PHF20: variants seen among roughly 807,000 people sequenced by gnomAD.
PHF20 encodes glioma-expressed antigen 2.
Under a neutral mutation model 113.5 loss-of-function variants are expected in PHF20, and 23 were observed. The ratio of observed to expected loss-of-function variants is 0.20; its 90% CI spans 0.15 to 0.29. The LOEUF (loss-of-function observed/expected upper bound fraction) is 0.29, where lower values mean the gene tolerates loss of function less well. PHF20 is among the 10% of genes least tolerant of loss of function. The pLI is 1.00. For synonymous variants in PHF20, 434 were observed against 457.3 expected (o/e 0.95, Z 0.65); for missense variants, 943 against 1,219.6 (o/e 0.77, Z 3.38).
At position 35,947,792 on chromosome 20, in the gene PHF20, G is replaced by C. The variant is rs563221064; in HGVS notation, c.*165G>C. The C allele has an allele frequency of 4.6e-4, 301 of 659,090 alleles. No homozygotes were observed. Among genetic ancestry groups the C allele is most frequent in the Non-Finnish European group, 7.1e-4 (282 of 394,554 alleles). The allele number at this position is 659,090 out of a possible 1,614,324, so 40.8% of individuals were successfully genotyped here. ...GACATTGGACAAAGAGGCCATTTTG[G>C]CTGCGGGAGGACACTCTGATCTCGA... On this transcript the variant is annotated 3_prime_UTR_variant, in exon 18 of 18. Transcript: ENST00000374012.
At chr20:35,829,254 A>G (rs755221913) in intron 2 of PHF20, among the ~76,000 whole-genome samples, 3 of 152,232 alleles carry the variant, frequency 2.0e-5, no homozygotes, top group Admixed American at 6.5e-5. Context: ...TAGTATTTTA[A>G]TCATTTTTAG....
At chr20:35,838,378 C>G (rs2042477971) in intron 2 of PHF20, 1 of 152,104 alleles carries the variant, frequency 6.6e-6, no homozygotes, top group African/African-American at 2.4e-5. Flanking sequence ...TCCAGTTCCC[C>G]TTCCGGGAGG....
At chr20:35,798,417 C>T (rs1016104290) in intron 1 of PHF20, among the ~76,000 whole-genome samples, 1 of 151,198 alleles carries the variant, frequency 6.6e-6, no homozygotes, top group Admixed American at 6.6e-5. Flanking sequence ...ACCTTGTCTC[C>T]AAAAAAATAA....
intron 2 of PHF20, among the ~76,000 whole-genome samples, chr20:35,809,347 G>A (rs983983327): frequency 2.6e-5 from 4 of 152,088 alleles, no homozygotes; most frequent in Non-Finnish European, 4.4e-5. Context: ...GGGAGGCCAA[G>A]CCTGGTGGAT....
rs762820870 is a variant in PHF20 at position 35,842,680 on chromosome 20, A to G, written c.191A>G (p.Tyr64Cys). 1.5e-5 allele frequency: 25 copies of G among 1,614,000 alleles called. No individual in the cohort carries two copies. Among genetic ancestry groups the G allele is most frequent in the Non-Finnish European group, 2.0e-5 (24 of 1,180,004 alleles). ...GAGTGGTTCTGCTGGGACAGTCCTT[A>G]TTTACGCCCTTTAGAGAAAATACAG... ...YDEWFCWDSP[Y>C]LRPLEKIQLR... is the part of the protein sequence containing the mutation. Residue 64 changes from tyrosine to cysteine, a missense_variant, in exon 3 of 18, where the codon TAT becomes TGT. Around this residue, in one of 3 missense-constraint regions of PHF20, gnomAD observed 592 missense variants for 787.2 expected, o/e 0.75. Transcript: ENST00000374012.
At chr20:35,896,439 A>C (rs2054985809) in intron 9 of PHF20, among the ~76,000 whole-genome samples, 1 of 152,108 alleles carries the variant, frequency 6.6e-6, no homozygotes, top group African/African-American at 2.4e-5. Flanking sequence ...GTAGCATAGG[A>C]ATGACTTAAT....
At chr20:35,810,102 G>A (rs540313584) in intron 2 of PHF20, among the ~76,000 whole-genome samples, 2 of 152,122 alleles carry the variant, frequency 1.3e-5, no homozygotes, top group South Asian at 2.1e-4. Flanking sequence ...GCTAATTTTT[G>A]TATTTCTAGT....
At chr20:35,793,994 T>G (rs1600738625) in intron 1 of PHF20, among the ~76,000 whole-genome samples, 1 of 52,156 alleles carries the variant, frequency 1.9e-5, no homozygotes, top group African/African-American at 9.7e-5. Context: ...GGACTCTGTC[T>G]CAAAAAAAAA....
intron 2 of PHF20, among the ~76,000 whole-genome samples, chr20:35,837,157 A>G (rs972087897): frequency 2.6e-5 from 4 of 152,210 alleles, no homozygotes; most frequent in African/African-American, 9.7e-5. Context: ...TGGGTGACAC[A>G]GTAAGACCCT....
intron 1 of PHF20, among the ~76,000 whole-genome samples, chr20:35,793,976 CAA>C (rs1254718236): frequency 9.6e-6 from 1 of 104,380 alleles, no homozygotes; most frequent in African/African-American, 3.9e-5. Context: ...GGCTGGGCGA[CAA>C]GAGCGGGACT....
intron 9 of PHF20, among the ~76,000 whole-genome samples, chr20:35,893,313 CT>C (rs764365790): frequency 1.7e-3 from 248 of 144,428 alleles, no homozygotes; most frequent in Non-Finnish European, 1.6e-3. Flanking sequence ...TTGGCCATGA[CT>C]TTTTTTTTTT....
At chr20:35,821,742 T>C (rs1600783263) in intron 2 of PHF20, among the ~76,000 whole-genome samples, 1 of 152,302 alleles carries the variant, frequency 6.6e-6, no homozygotes, top group East Asian at 1.9e-4. Context: ...AAGGATCTTT[T>C]GTATTAGTCC....
intron 1 of PHF20, among the ~76,000 whole-genome samples, chr20:35,794,159 G>A (rs1283038051): frequency 6.6e-6 from 1 of 151,890 alleles, no homozygotes; most frequent in East Asian, 1.9e-4. Context: ...AAATTAGCCA[G>A]GCGTGGTGGC....
chr20:35,941,868 A>G (rs1314658018), intron 17 of PHF20, among the ~76,000 whole-genome samples: 1 of 152,180 alleles, frequency 6.6e-6, no homozygotes, highest in Non-Finnish European at 1.5e-5. Context: ...GAGTGCTAAT[A>G]GGAGGGCTTC....
intron 1 of PHF20, among the ~76,000 whole-genome samples, chr20:35,790,474 T>A (rs917363451): frequency 2.0e-5 from 3 of 152,180 alleles, no homozygotes; most frequent in African/African-American, 7.2e-5. Flanking sequence ...GTGCTGGGAT[T>A]ACAGGTGTGA....
intron 2 of PHF20, among the ~76,000 whole-genome samples, chr20:35,823,243 T>G (rs1019721036): frequency 3.9e-5 from 6 of 151,952 alleles, no homozygotes; most frequent in African/African-American, 1.5e-4. Context: ...CATAGTAAAA[T>G]TCGCTCTTTT....
chr20:35,801,868 G>T (rs922075950), intron 2 of PHF20: 3 of 300,560 alleles, frequency 1.0e-5, no homozygotes, highest in Non-Finnish European at 1.9e-5. Context: ...AATGGCTACA[G>T]GGAAGGGAAG....
rs1258856184 is a variant in PHF20, at chr20:35,859,632, C to T, written c.420+1251C>T. Among the ~76,000 whole-genome samples the T allele has an allele frequency of 7.2e-5, 11 of 151,810 alleles. No homozygotes were observed. The East Asian group carries it at 9.7e-4, about 13-fold the overall frequency. On this transcript the variant is annotated intron_variant, in intron 5 of 17. Transcript: ENST00000374012. ...CAATCTTGGCCCACTGCAACTTCCC[C>T]GCCTCCCCAGTTCAAGTGATTCTCC...
At chr20:35,775,425 T>G (rs1386101858) in intron 1 of PHF20, among the ~76,000 whole-genome samples, 4 of 152,150 alleles carry the variant, frequency 2.6e-5, no homozygotes, top group African/African-American at 9.7e-5. Flanking sequence ...TTATTAGTTA[T>G]ACTCAATTAG....
Sources: allele counts gnomAD v4.1 joint callset (sites outside exome capture counted in the v4.1 genomes callset), GRCh38; gene constraint gnomAD v4.1.1; regional missense constraint gnomAD v4.1.1; transcripts MANE v1.5; gene names NCBI Gene and HGNC (gene_info 2026-07-23, HGNC 2026-07-21).